The following ME3 variants were observed in gnomAD, a reference collection of about 807,000 sequenced individuals.
ME3 encodes the protein NADP-dependent malic enzyme, mitochondrial.
In ME3, 48 loss-of-function variants were observed where a neutral mutation model predicts 68.9. That is an observed-to-expected ratio of 0.70 (90% confidence interval 0.55 to 0.89). ME3 has a LOEUF of 0.89. Among genes scored for constraint, ME3 ranks in the 40% least tolerant of loss-of-function variants. The pLI is 0.00. For synonymous variants in ME3, 320 were observed against 318.8 expected, an observed-to-expected ratio of 1.00 and a Z score of -0.04; for missense variants, 675 against 797.4, an observed-to-expected ratio of 0.85 and a Z score of 1.85.
chr11:86,463,552 G>C (rs961803343), intron 8 of ME3, among the ~76,000 whole-genome samples: 6 of 152,210 alleles, frequency 3.9e-5, no homozygotes, highest in Non-Finnish European at 5.9e-5. Flanking sequence ...CAGGGTAAGG[G>C]GGAGACAGAA....
intron 2 of ME3, among the ~76,000 whole-genome samples, chr11:86,629,276 G>T (rs1202676694): frequency 6.6e-6 from 1 of 152,184 alleles, no homozygotes; most frequent in Non-Finnish European, 1.5e-5. Flanking sequence ...ATTCCCAGAG[G>T]CATGGCTTTG....
At chr11:86,465,637 C>T (rs535060917) in intron 7 of ME3, among the ~76,000 whole-genome samples, 2 of 152,154 alleles carry the variant, frequency 1.3e-5, no homozygotes, top group South Asian at 4.2e-4. Context: ...GTGGGGAGCC[C>T]CTGCATCCTC....
At position 86,469,062 on chromosome 11, in the gene ME3, T is replaced by TA. The variant is rs139976063; in HGVS notation, c.810-3863dup. Among the ~76,000 whole-genome samples the TA allele has an allele frequency of 3.2e-3, 475 of 148,348 alleles. 4 individuals carry two copies. Among genetic ancestry groups the TA allele is most frequent in the African/African-American group, 0.011 (454 of 40,630 alleles). ...TAATTTTGATAGCCTTACAGGTTCT[T>TA]AAAAAAAAAAGCTAAATAGGTAATA... is the stretch of plus-strand genomic sequence containing the variant. On this transcript the variant is annotated intron_variant, in intron 7 of 14. Transcript: ENST00000543262.
rs2139689931 is a variant in ME3 at position 86,595,575 on chromosome 11, G to A, written c.184-35752C>T. 2.6e-5 allele frequency among the ~76,000 whole-genome samples: 4 copies of A among 152,246 alleles called. 1 individual carries two copies. Among genetic ancestry groups the A allele is most frequent in the Admixed American group, 2.6e-4 (4 of 15,290 alleles). ...AGTAAGCGCGTGCCCTGGTTTGAAA[G>A]GTCAGGTAAGAAGGATTGATTGAGT... On this transcript the variant is annotated intron_variant, in intron 2 of 14. Coordinates refer to ENST00000543262, the Ensembl canonical transcript of ME3.
intron 2 of ME3, among the ~76,000 whole-genome samples, chr11:86,651,829 A>G (rs1945455141): frequency 6.6e-6 from 1 of 152,212 alleles, no homozygotes; most frequent in South Asian, 2.1e-4. Flanking sequence ...CCCATGGCAA[A>G]GAAGTTAAAA....
At chr11:86,539,271 C>T (rs1026622104) in intron 4 of ME3, among the ~76,000 whole-genome samples, 40 of 152,210 alleles carry the variant, frequency 2.6e-4, no homozygotes, top group African/African-American at 9.6e-4. Context: ...GCCAGAGATT[C>T]TGATGGGCCA....
chr11:86,548,317 A>T (rs1478839286), intron 4 of ME3, among the ~76,000 whole-genome samples: 1 of 152,230 alleles, frequency 6.6e-6, no homozygotes, highest in East Asian at 1.9e-4. Flanking sequence ...TATTTCAGCA[A>T]TGTGGGATCT....
chr11:86,653,095 C>A lies in ME3; in HGVS notation c.183+18667G>T, dbSNP rs550784282. Among the ~76,000 whole-genome samples, 278 of 152,246 alleles carry A rather than the reference C, an allele frequency of 1.8e-3. 1 individual carries two copies. Among genetic ancestry groups the A allele is most frequent in the South Asian group, 3.3e-3 (16 of 4,820 alleles). ...TACAGGAGCACCCAGATTCATAAAG[C>A]AAGTCCTTAGAGACCTACAAAGAGA... On this transcript the variant is annotated intron_variant, in intron 2 of 14. Transcript: ENST00000543262.
At chr11:86,514,193 CCATAAT>C (rs759031088) in intron 4 of ME3, among the ~76,000 whole-genome samples, 7 of 152,190 alleles carry the variant, frequency 4.6e-5, no homozygotes, top group Non-Finnish European at 7.3e-5. Flanking sequence ...TTGCCTTCCA[CCATAAT>C]CATAAGTTTC....
intron 2 of ME3, among the ~76,000 whole-genome samples, chr11:86,654,636 T>C (rs1945725761): frequency 6.6e-6 from 1 of 152,184 alleles, no homozygotes. Context: ...CCACAGCCAA[T>C]ATCATACTGA....
At chr11:86,457,738 C>G in intron 8 of ME3, 1 of 1,286,802 alleles carries the variant, frequency 7.8e-7, no homozygotes. Flanking sequence ...CCATGGGCAG[C>G]TGAAAGTGTG....
chr11:86,592,806 C>A (rs543002619), intron 2 of ME3, among the ~76,000 whole-genome samples: 3 of 152,284 alleles, frequency 2.0e-5, no homozygotes, highest in Admixed American at 6.5e-5. Context: ...CAGGAACCCC[C>A]AAACTTAGCA....
At chr11:86,609,229 T>C (rs549193097) in intron 2 of ME3, among the ~76,000 whole-genome samples, 2 of 152,284 alleles carry the variant, frequency 1.3e-5, no homozygotes, top group Admixed American at 6.5e-5. Context: ...GATTAATGAG[T>C]AGTCCCAGGT....
intron 2 of ME3, among the ~76,000 whole-genome samples, chr11:86,671,304 C>T (rs1329890903): frequency 6.6e-6 from 1 of 152,154 alleles, no homozygotes; most frequent in Non-Finnish European, 1.5e-5. Context: ...ATTTATTCTC[C>T]CACTGGGTAC....
intron 2 of ME3, among the ~76,000 whole-genome samples, chr11:86,636,652 A>G (rs114181891): frequency 1.7e-3 from 262 of 152,348 alleles, no homozygotes; most frequent in Middle Eastern, 0.01. Flanking sequence ...CCAGTAGAAC[A>G]TGCACAAGTT....
chr11:86,465,114 C>A, exon 8 of ME3: 1 of 1,613,270 alleles, frequency 6.2e-7, no homozygotes, highest in Non-Finnish European at 8.5e-7. Flanking sequence ...ATTGAACATG[C>A]AGTACTTGTT....
chr11:86,656,751 T>TA lies in ME3; in HGVS notation c.183+15010dup, dbSNP rs553283344. On this transcript the variant is annotated intron_variant, in intron 2 of 14. Coordinates refer to ENST00000543262, the Ensembl canonical transcript of ME3. ...TACCCTAAAACTTAAAGTATAATAA[T>TA]AAAAAAAATTTACAAGAGAAAAGCA... Among the ~76,000 whole-genome samples, 1,339 of 149,344 alleles carry TA rather than the reference T, an allele frequency of 9.0e-3. 27 individuals are homozygous for TA. The highest frequency in any genetic ancestry group is 0.031 in the African/African-American group (1,248 of 40,570).
chr11:86,436,129 GGGAAC>G (rs1948896702), downstream of ME3: 1 of 152,140 alleles, frequency 6.6e-6, no homozygotes, highest in African/African-American at 2.4e-5. Flanking sequence ...TACAAGGCAA[GGGAAC>G]TCTCCCTTAA....
At chr11:86,672,271 T>G in intron 1 of ME3, 53 bp downstream of exon 1, 2 of 275,308 alleles carry the variant, frequency 7.3e-6, no homozygotes, top group Non-Finnish European at 6.7e-6. Context: ...GGGGTCCCCG[T>G]ACCCCTAATC....
Sources: allele counts gnomAD v4.1 joint callset (sites outside exome capture counted in the v4.1 genomes callset), GRCh38; gene constraint gnomAD v4.1.1; transcripts MANE v1.5; gene names NCBI Gene and HGNC (gene_info 2026-07-23, HGNC 2026-07-21).